Variants in ADAMTS10 observed in about 807,000 individuals in gnomAD.
ADAMTS10 encodes the protein ADAM metallopeptidase with thrombospondin type 1 motif 10.
A neutral mutation model predicts 135.9 loss-of-function variants in ADAMTS10; 48 were observed. The ratio of observed to expected loss-of-function variants is 0.35; its 90% confidence interval spans 0.28 to 0.45. The LOEUF is 0.45. Ranked by LOEUF, ADAMTS10 falls within the 20% of genes least tolerant of loss-of-function variation. The pLI is 1.00. For missense variants in ADAMTS10, 1,131 were observed against 1,565.2 expected, an observed-to-expected ratio of 0.72 and a Z score of 4.68; for synonymous variants, 621 against 647.5, an observed-to-expected ratio of 0.96 and a Z score of 0.62.
intron 6 of ADAMTS10, among the ~76,000 whole-genome samples, chr19:8,600,674 A>AT (rs1207766223): frequency 1.3e-5 from 2 of 151,006 alleles, no homozygotes; most frequent in African/African-American, 4.9e-5. Context: ...AATTTTTTGT[A>AT]TTTTTAGTAG....
Position 8,585,603 on chromosome 19 carries a change from G to GCTGCGCACGC in ADAMTS10, c.2708_2717dup (p.Ser906ArgfsTer53). The GCTGCGCACGC allele has an allele frequency of 6.2e-7, 1 of 1,611,024 alleles. No homozygotes were observed. The highest frequency in any genetic ancestry group is 8.5e-7 in the Non-Finnish European group (1 of 1,179,244). On this transcript the variant is annotated frameshift_variant, in exon 23 of 26. Coordinates refer to ENST00000597188, the MANE Select transcript of ADAMTS10 (RefSeq NM_030957.4). LOFTEE classifies it high-confidence loss of function. Reference sequence around the variant, plus strand: ...CGCGGCGCTGGCACACGACCGAGCGGCTGCGCACGCCTGCATCGCAGCTGC... The same window carrying GCTGCGCACGC: ...CGCGGCGCTGGCACACGACCGAGCGGCTGCGCACGCCTGCGCACGCCTGCATCGCAGCTGC...
intron 6 of ADAMTS10, among the ~76,000 whole-genome samples, chr19:8,597,801 C>T (rs1452189327): frequency 6.6e-6 from 1 of 151,996 alleles, no homozygotes; most frequent in Non-Finnish European, 1.5e-5. Context: ...TCACTATGCC[C>T]ACTTAATTTT....
intron 25 of ADAMTS10, among the ~76,000 whole-genome samples, chr19:8,584,177 A>AAG (rs2042391861): frequency 6.9e-6 from 1 of 145,168 alleles, no homozygotes; most frequent in Non-Finnish European, 1.5e-5. Context: ...AAAAAAAAAA[A>AAG]GTAAATAAAA....
At chr19:8,583,267 G>A (rs959958407) in intron 25 of ADAMTS10, among the ~76,000 whole-genome samples, 3 of 152,118 alleles carry the variant, frequency 2.0e-5, no homozygotes, top group Non-Finnish European at 2.9e-5. Context: ...TGGACCTGGC[G>A]CGGTGGCTCA....
rs146088747 is a variant in ADAMTS10, at chr19:8,596,275, C to T, written c.1190+32G>A. On this transcript the variant is annotated intron_variant, in intron 10 of 25. Coordinates refer to ENST00000597188, the MANE Select transcript of ADAMTS10 (RefSeq NM_030957.4). The surrounding 1 kb of genome is among the most constrained non-coding windows in gnomAD (Gnocchi z 7.2). Reference sequence around the variant, plus strand: ...GCTGAGGGACCCGCCCAGCTCCTCCCCTCCTCCCCCTCTTGTGTGCCCTGG... The same window carrying T: ...GCTGAGGGACCCGCCCAGCTCCTCCTCTCCTCCCCCTCTTGTGTGCCCTGG... 1 of 1,612,810 alleles carries T rather than the reference C, an allele frequency of 6.2e-7. No individual in the cohort carries two copies. The highest frequency in any genetic ancestry group is 2.2e-5 in the East Asian group (1 of 44,878).
chr19:8,593,949 A>C (rs1380668344), intron 12 of ADAMTS10, among the ~76,000 whole-genome samples: 2 of 152,188 alleles, frequency 1.3e-5, no homozygotes, highest in Non-Finnish European at 2.9e-5. Flanking sequence ...ATACCTGTAC[A>C]TATGTAAGAA....
chr19:8,584,776 C>A, intron 25 of ADAMTS10, 119 bp downstream of exon 25: 1 of 1,383,214 alleles, frequency 7.2e-7, no homozygotes, highest in Non-Finnish European at 9.9e-7. Flanking sequence ...CTGGCAGAGA[C>A]ACAGCAATGC....
At chr19:8,591,682 C>A (rs749666581) in intron 15 of ADAMTS10, 118 bp downstream of exon 15, 1 of 1,215,908 alleles carries the variant, frequency 8.2e-7, no homozygotes, top group Non-Finnish European at 1.2e-6. Flanking sequence ...CCTCGTGATC[C>A]GCCTGCCTTG....
chr19:8,608,107 C>A (rs7254309), intron 2 of ADAMTS10, 27 bp downstream of exon 2: 14,204 of 135,550 alleles, frequency 0.1, 1,374 homozygotes, highest in African/African-American at 0.27. Context: ...CAGCACCTGG[C>A]CTCTCTCTCC....
Position 8,581,130 on chromosome 19 carries a change from C to CTTTTTTTTT in ADAMTS10, c.3203-137_3203-129dup, listed in dbSNP as rs369050914. 3.0e-4 allele frequency: 44 copies of CTTTTTTTTT among 147,314 alleles called. 1 individual carries two copies. The highest frequency in any genetic ancestry group is 7.1e-4 in the African/African-American group (13 of 18,394). The allele number at this position is 147,314 out of a possible 1,614,324, so 9.1% of individuals were successfully genotyped here. A position where few individuals can be genotyped will look rare whatever the true frequency, so the allele number is the denominator to read the frequency against. The stretch of plus-strand genomic sequence containing the variant: ...CTTGGTTTCTTTCTTTTTAAATTTA[C>CTTTTTTTTT]TTTTTTTTTTTTTTTTTTTTTTTTT... On this transcript the variant is annotated intron_variant, in intron 25 of 25. Coordinates refer to ENST00000597188, the MANE Select transcript of ADAMTS10 (RefSeq NM_030957.4).
chr19:8,606,868 C>T (rs1407496895), intron 2 of ADAMTS10, among the ~76,000 whole-genome samples: 2 of 152,108 alleles, frequency 1.3e-5, no homozygotes, highest in Non-Finnish European at 2.9e-5. Flanking sequence ...AGATGACAGT[C>T]AAGTGAATGG....
chr19:8,608,373 C>T (rs2042744677), intron 1 of ADAMTS10, 125 bp from the exon 2 acceptor site: 1 of 152,136 alleles, frequency 6.6e-6, no homozygotes, highest in Admixed American at 6.6e-5. Context: ...TCCTCTTAGA[C>T]TTCTTCTTTC....
rs538097886 is a variant in ADAMTS10 at position 8,585,192 on chromosome 19, G to C, written c.2982C>G (p.Thr994=). The change falls in exon 24 of 26, where the codon ACC becomes ACG. Residue 994 remains threonine (T), a synonymous_variant. Transcript: ENST00000597188. The part of the protein sequence containing the change: ...HCSPAAKPPA[T]MRCNLRRCPP... ...GGCAGCGGCGCAAGTTGCAGCGCAT[G>C]GTGGCCGGTGGCTTGGCGGCGGGTG... The C allele has an allele frequency of 1.2e-4, 169 of 1,417,898 alleles. No individual in the cohort carries two copies. In the African/African-American group the frequency reaches 2.1e-3, roughly 18 times the overall value. 87.8% of individuals were successfully genotyped at this position (1,417,898 alleles called of 1,614,324 possible).
rs117193337 is a variant in ADAMTS10 at position 8,590,276 on chromosome 19, C to A, written c.1798-285G>T. ...CTATGGAATCTTTCTTGCTTGCTTG[C>A]ATTTTTTTTCTTTTTTGAGACAGAA... On this transcript the variant is annotated intron_variant, in intron 15 of 25. Transcript: ENST00000597188. 5.9e-5 allele frequency among the ~76,000 whole-genome samples: 9 copies of A among 152,048 alleles called. No homozygotes were observed. In the East Asian group the frequency reaches 1.5e-3, roughly 26 times the overall value.
In ADAMTS10 at chr19:8,605,508, G is replaced by A; in HGVS notation, c.88+115C>T. On this transcript the variant is annotated intron_variant, in intron 3 of 25. Coordinates refer to ENST00000597188, the MANE Select transcript of ADAMTS10 (RefSeq NM_030957.4). The surrounding 1 kb of genome is among the most constrained non-coding windows in gnomAD (Gnocchi z 7.7). The stretch of plus-strand genomic sequence containing the variant: ...GCAAGGCTCCCGCCTATTGACCCCA[G>A]GGCCTTCCCCCATTGACCCCCATCC... 1 of 1,482,260 alleles carries A rather than the reference G, an allele frequency of 6.7e-7. No individual in the cohort carries two copies. The highest frequency in any genetic ancestry group is 9.2e-7 in the Non-Finnish European group (1 of 1,092,876). 91.8% of individuals were successfully genotyped at this position (1,482,260 alleles called of 1,614,324 possible).
Position 8,585,304 on chromosome 19 carries a change from G to A in ADAMTS10, c.2870C>T (p.Thr957Ile). 1 of 1,529,844 alleles carries A rather than the reference G, an allele frequency of 6.5e-7. No homozygotes were observed. The allele number at this position is 1,529,844 out of a possible 1,614,324, so 94.8% of individuals were successfully genotyped here. The change falls in exon 24 of 26, where the codon ACC becomes ATC. Residue 957 changes from threonine to isoleucine, a missense_variant. Around this residue, in one of 3 missense-constraint regions of ADAMTS10, gnomAD observed 745 missense variants for 1,056.3 expected, o/e 0.71. Transcript: ENST00000597188. The stretch of plus-strand genomic sequence containing the variant: ...GCGGAGGCCCGGCCCGCAGCTGGGG[G>A]TGCACTGCAGTTGGAAGGGGCGTTT... ...EWAALDWSECTPSCGPGLRHR... is the reference protein window; with the variant it reads ...EWAALDWSECIPSCGPGLRHR...
Position 8,585,252 on chromosome 19 carries a change from T to G in ADAMTS10, c.2922A>C (p.Ala974=). The G allele has an allele frequency of 6.7e-7, 1 of 1,488,792 alleles. No individual in the cohort carries two copies. Among genetic ancestry groups the G allele is most frequent in the Non-Finnish European group, 8.9e-7 (1 of 1,117,430 alleles). 92.2% of individuals were successfully genotyped at this position (1,488,792 alleles called of 1,614,324 possible). ...LRHRVVLCKS[A]DHRATLPPAH... Reference sequence around the variant, plus strand: ...CCGGGGGCAGCGTGGCGCGGTGGTCTGCGCTCTTGCAAAGGACCACGCGGT... The same window carrying G: ...CCGGGGGCAGCGTGGCGCGGTGGTCGGCGCTCTTGCAAAGGACCACGCGGT... The change falls in exon 24 of 26, where the codon GCA becomes GCC. Residue 974 remains alanine (A), a synonymous_variant. Transcript: ENST00000597188.
intron 25 of ADAMTS10, among the ~76,000 whole-genome samples, chr19:8,581,684 A>G (rs1051432445): frequency 1.3e-5 from 2 of 151,862 alleles, no homozygotes; most frequent in Admixed American, 6.6e-5. Context: ...AAAATATAAA[A>G]ATTAGCTGGG....
rs2042618201 is a variant in ADAMTS10 at position 8,597,415 on chromosome 19, CCTA to C, written c.811-101_811-99del. The C allele has an allele frequency of 3.7e-6, 4 of 1,089,850 alleles. No individual in the cohort carries two copies. In the African/African-American group the frequency reaches 4.7e-5, roughly 13 times the overall value. The allele number at this position is 1,089,850 out of a possible 1,614,324, so 67.5% of individuals were successfully genotyped here. A position where few individuals can be genotyped will look rare whatever the true frequency, so the allele number is the denominator to read the frequency against. ...GATAACAGCTTGCTTTCATCAGGCA[CCTA>C]CTGTGTGTCGGGTCTTAGGCTAAAC... On this transcript the variant is annotated intron_variant, in intron 6 of 25. Transcript: ENST00000597188.
Sources: allele counts gnomAD v4.1 joint callset (sites outside exome capture counted in the v4.1 genomes callset), GRCh38; gene constraint gnomAD v4.1.1; regional missense constraint gnomAD v4.1.1; non-coding constraint Gnocchi (gnomAD v3.1); transcripts MANE v1.5; gene names NCBI Gene and HGNC (gene_info 2026-07-23, HGNC 2026-07-21).